Variants in BRD2 observed in about 807,000 individuals in gnomAD.
The protein encoded by BRD2 is bromodomain containing 2.
In BRD2, 15 loss-of-function variants were observed where a neutral mutation model predicts 79.1. That is an observed-to-expected ratio of 0.19 (90% CI 0.13 to 0.29). The LOEUF is 0.29. Ranked by LOEUF, BRD2 falls within the 10% of genes least tolerant of loss-of-function variation. The pLI, the probability that BRD2 is intolerant of heterozygous loss-of-function variation, is 1.00. For missense variants in BRD2, 1,053 were observed against 991.3 expected (o/e 1.06, Z -0.84); for synonymous variants, 488 against 358.6 (o/e 1.36, Z -4.08).
chr6:32,979,799 C>T, intron 10 of BRD2, 29 bp from the exon 11 acceptor site: 3 of 1,598,756 alleles, frequency 1.9e-6, no homozygotes, highest in African/African-American at 1.3e-5. Flanking sequence ...AATGAAGCTT[C>T]TTTTGCTGAC....
At chr6:32,977,639 G>T (rs1778939168) in intron 8 of BRD2, 69 bp downstream of exon 8, 6 of 1,603,330 alleles carry the variant, frequency 3.7e-6, no homozygotes, top group Non-Finnish European at 5.1e-6. Flanking sequence ...GTGCTGCATA[G>T]CCTCAACGTG....
chr6:32,976,567 A>G lies in BRD2; in HGVS notation c.831A>G (p.Lys277=), dbSNP rs2127516604. ...TATCTTGTTTCTTTCTGCAGAAAAA[A>G]GGCGTAAAGCGGAAAGCAGATACTA... ...APPAQPLAKK[K]GVKRKADTTT... The change falls in exon 7 of 13, where the codon AAA becomes AAG. Residue 277 remains lysine, a synonymous_variant. Transcript: ENST00000374825. The G allele has an allele frequency of 6.3e-7, 1 of 1,592,326 alleles. No homozygotes were observed.
chr6:32,974,558 C>T lies in BRD2; in HGVS notation c.126C>T (p.Gly42=). ...RIRKPSLLYE[G]FESPTMASVP... is the part of the protein sequence containing the mutation. ...GAAAACCCTCTCTCTTGTATGAGGGCTTTGAGAGCCCCACAATGGCTTCGG... is the reference window on the plus strand; with the variant it reads ...GAAAACCCTCTCTCTTGTATGAGGGTTTTGAGAGCCCCACAATGGCTTCGG... Residue 42 remains glycine, a synonymous_variant, in exon 3 of 13, where the codon GGC becomes GGT. Coordinates refer to ENST00000374825, the MANE Select transcript of BRD2 (RefSeq NM_005104.4). 1 of 1,614,230 alleles carries T rather than the reference C, an allele frequency of 6.2e-7. No individual in the cohort carries two copies. Among genetic ancestry groups the T allele is most frequent in the Non-Finnish European group, 8.5e-7 (1 of 1,180,030 alleles).
chr6:32,977,279 C>A, intron 7 of BRD2, 163 bp from the exon 8 acceptor site: 2 of 1,576,592 alleles, frequency 1.3e-6, no homozygotes, highest in South Asian at 2.3e-5. Context: ...TTTCTTCAAC[C>A]CACCCAAATT....
At chr6:32,978,436 C>T (rs1192328176) in intron 10 of BRD2, 48 bp downstream of exon 10, 2 of 1,581,560 alleles carry the variant, frequency 1.3e-6, no homozygotes, top group South Asian at 1.1e-5. Flanking sequence ...TTCTGTCTCT[C>T]TGGGGGATGC....
Position 32,979,853 on chromosome 6 carries a change from G to C in BRD2, c.1867G>C (p.Ala623Pro), listed in dbSNP as rs2127526564. ...TKLPKKATKT[A>P]PPALPTGYDS... is the part of the protein sequence containing the mutation. ...GCTCCCCAAAAAGGCCACAAAGACA[G>C]CCCCACCTGCCCTGCCTACAGGTTA... The change falls in exon 11 of 13, where the codon GCC (alanine) becomes CCC (proline). Residue 623 changes from alanine (A) to proline (P), a missense_variant. Physicochemically the swap from Ala to Pro is conservative, Grantham distance 27. Coordinates refer to ENST00000374825, the MANE Select transcript of BRD2 (RefSeq NM_005104.4). 3 of 1,612,400 alleles carry C rather than the reference G, an allele frequency of 1.9e-6. No individual in the cohort carries two copies. In the East Asian group the frequency reaches 6.7e-5, roughly 36 times the overall value.
chr6:32,969,416 C>T (rs1777750543), intron 1 of BRD2: 6 of 712,474 alleles, frequency 8.4e-6, no homozygotes, highest in South Asian at 4.5e-5. Flanking sequence ...GGAGTGGTGG[C>T]TGTGGCCCCT....
At position 32,977,727 on chromosome 6, in the gene BRD2, G is replaced by A. The variant is rs200521492; in HGVS notation, c.1330-30G>A. On this transcript the variant is annotated intron_variant, in intron 8 of 12. Transcript: ENST00000374825. ...TGGGTATGTAGGGCACTGTTTATCA[G>A]CATAGTTTTGAGTTTGTGCCTCTTT... The A allele has an allele frequency of 7.9e-5, 128 of 1,612,336 alleles. No individual in the cohort carries two copies. In the East Asian group the frequency reaches 2.7e-3, roughly 34 times the overall value.
Position 32,977,589 on chromosome 6 carries a change from G to A in BRD2, c.1329+19G>A. ...GCTACAGGTGAGTGGAAAGGTTGGA[G>A]TTTGAAAAATAAATGGTATGGGGAG... On this transcript the variant is annotated intron_variant, in intron 8 of 12. Coordinates refer to ENST00000374825, the MANE Select transcript of BRD2 (RefSeq NM_005104.4). 1.9e-6 allele frequency: 3 copies of A among 1,613,330 alleles called. No individual in the cohort carries two copies. Among genetic ancestry groups the A allele is most frequent in the Non-Finnish European group, 2.5e-6 (3 of 1,179,666 alleles).
chr6:32,971,798 T>C lies in BRD2; in HGVS notation c.-1101T>C, dbSNP rs1412704429. The C allele has an allele frequency of 6.3e-6, 4 of 634,728 alleles. No homozygotes were observed. Among genetic ancestry groups the C allele is most frequent in the African/African-American group, 3.6e-5 (2 of 54,954 alleles). The allele number at this position is 634,728 out of a possible 1,614,324, so 39.3% of individuals were successfully genotyped here. A position where few individuals can be genotyped will look rare whatever the true frequency, so the allele number is the denominator to read the frequency against. On this transcript the variant is annotated 5_prime_UTR_variant, in exon 2 of 13. Coordinates refer to ENST00000374825, the MANE Select transcript of BRD2 (RefSeq NM_005104.4). ...TGTGCATGGAAGCTTGGGAAGACTT[T>C]GTTGGAAGGGGAGGCGGGGAGAGAG... is the stretch of plus-strand genomic sequence containing the variant.
chr6:32,974,594 G>A lies in BRD2; in HGVS notation c.162G>A (p.Leu54=), dbSNP rs887740788. 1 of 1,614,102 alleles carries A rather than the reference G, an allele frequency of 6.2e-7. No individual in the cohort carries two copies. The highest frequency in any genetic ancestry group is 8.5e-7 in the Non-Finnish European group (1 of 1,180,048). The change falls in exon 3 of 13, where the codon TTG becomes TTA. Residue 54 remains leucine (L), a synonymous_variant. Transcript: ENST00000374825. The part of the protein sequence containing the change: ...ESPTMASVPA[L]QLTPANPPPP... ...CCACAATGGCTTCGGTGCCTGCTTT[G>A]CAACTTACCCCTGCCAACCCACCAC...
rs1190117791 is a variant in BRD2, at chr6:32,972,102, A to AG, written c.-792dup. The AG allele has an allele frequency of 4.3e-6, 3 of 691,228 alleles. No individual in the cohort carries two copies. The East Asian group carries it at 8.2e-5, about 19-fold the overall frequency. The allele number at this position is 691,228 out of a possible 1,614,324, so 42.8% of individuals were successfully genotyped here. On this transcript the variant is annotated 5_prime_UTR_variant, in exon 2 of 13. An upstream open reading frame in the 5' UTR loses its in-frame stop. Transcript: ENST00000374825. ...CGCGTGAGCGAGCGCGCGCGCGCGG[A>AG]GGGGGTGGGGAAAAGCTCAAGCAGG...
chr6:32,980,013 T>C lies in BRD2; in HGVS notation c.2027T>C (p.Leu676Ser). The C allele has an allele frequency of 6.2e-7, 1 of 1,613,140 alleles. No individual in the cohort carries two copies. The highest frequency in any genetic ancestry group is 8.5e-7 in the Non-Finnish European group (1 of 1,180,020). Residue 676 changes from leucine (L) to serine (S), a missense_variant, in exon 11 of 13, where the codon TTA becomes TCA. Leu to Ser is a moderately radical substitution (Grantham distance 145). Coordinates refer to ENST00000374825, the MANE Select transcript of BRD2 (RefSeq NM_005104.4). Reference sequence around the variant, plus strand: ...ATAATCCAAGCCAGGGAGCCCTCTTTACGTGATTCAAACCCAGAAGAGATT... The same window carrying C: ...ATAATCCAAGCCAGGGAGCCCTCTTCACGTGATTCAAACCCAGAAGAGATT... ...VHIIQAREPS[L>S]RDSNPEEIEI...
chr6:32,971,587 C>T lies in BRD2; in HGVS notation c.-1304-8C>T, dbSNP rs201559705. ...GCTTCTAAGATGGCGTCTTTTTCCT[C>T]GTTTCAGATTCTTCGCTGCTGCTGC... On this transcript the variant is annotated splice_polypyrimidine_tract_variant and splice_region_variant and intron_variant, in intron 1 of 12. Transcript: ENST00000374825. The T allele has an allele frequency of 2.6e-5, 12 of 456,660 alleles. No individual in the cohort carries two copies. The South Asian group carries it at 3.6e-4, about 14-fold the overall frequency. 28.3% of individuals were successfully genotyped at this position (456,660 alleles called of 1,614,324 possible).
intron 1 of BRD2, 27 bp downstream of exon 1, chr6:32,969,083 G>T (rs1042238778): frequency 8.3e-6 from 4 of 483,212 alleles, no homozygotes; most frequent in Non-Finnish European, 1.5e-5. Context: ...GTGGGGCGGA[G>T]ATGTCAGTCA....
intron 8 of BRD2, 73 bp downstream of exon 8, chr6:32,977,643 C>T: frequency 6.2e-7 from 1 of 1,602,938 alleles, no homozygotes; most frequent in Non-Finnish European, 8.5e-7. Context: ...TGCATAGCCT[C>T]AACGTGAGGG....
chr6:32,971,861 C>A lies in BRD2; in HGVS notation c.-1038C>A. On this transcript the variant is annotated 5_prime_UTR_variant, in exon 2 of 13. Transcript: ENST00000374825. ...TGGGGCGATGGCTTCCGCACCTCTTCCAACCACCCTCTTTCCCTGGAGTCG... is the reference window on the plus strand; with the variant it reads ...TGGGGCGATGGCTTCCGCACCTCTTACAACCACCCTCTTTCCCTGGAGTCG... 1 of 699,296 alleles carries A rather than the reference C, an allele frequency of 1.4e-6. No individual in the cohort carries two copies. Among genetic ancestry groups the A allele is most frequent in the Admixed American group, 2.0e-5 (1 of 49,236 alleles). The allele number at this position is 699,296 out of a possible 1,614,324, so 43.3% of individuals were successfully genotyped here.
chr6:32,975,195 T>A, intron 3 of BRD2, 189 bp from the exon 4 acceptor site: 2 of 1,295,532 alleles, frequency 1.5e-6, no homozygotes, highest in South Asian at 1.4e-5. Flanking sequence ...CCTGTGGATG[T>A]CAAGAATCTT....
chr6:32,975,398 T>C lies in BRD2; in HGVS notation c.348T>C (p.Ile116=), dbSNP rs758792759. ...TTTTTATTTAGGATTATCACAAAAT[T>C]ATAAAACAGCCTATGGACATGGGTA... ...VKLGLPDYHK[I]IKQPMDMGTI... Residue 116 remains isoleucine (I), a synonymous_variant, in exon 4 of 13, where the codon ATT becomes ATC. Coordinates refer to ENST00000374825, the MANE Select transcript of BRD2 (RefSeq NM_005104.4). 1.9e-6 allele frequency: 3 copies of C among 1,607,264 alleles called. No homozygotes were observed. Among genetic ancestry groups the C allele is most frequent in the Non-Finnish European group, 2.6e-6 (3 of 1,175,754 alleles).
Sources: gnomAD v4.1 joint callset for allele counts on GRCh38, gnomAD v4.1.1 for gene constraint, MANE v1.5 for transcripts, NCBI Gene and HGNC (gene_info 2026-07-23, HGNC 2026-07-21) for gene names.